RANBP2: variants seen among roughly 807,000 people sequenced by gnomAD.
RANBP2 encodes the protein E3 SUMO-protein ligase RanBP2.
In RANBP2, 57 loss-of-function variants were observed where a neutral mutation model predicts 303.6. That is an observed-to-expected ratio of 0.19 (90% CI 0.15 to 0.23). The LOEUF (loss-of-function observed/expected upper bound fraction) is 0.23, where lower values mean the gene tolerates loss of function less well. Ranked by LOEUF, RANBP2 falls within the 10% of genes least tolerant of loss-of-function variation. RANBP2 has a pLI of 1.00. For synonymous variants in RANBP2, 1,167 were observed against 1,301.5 expected (o/e 0.90, Z 2.23); for missense variants, 3,138 against 3,780.8 (o/e 0.83, Z 4.46).
At chr2:109,097,165 G>A in the RANBP2 span, among the ~76,000 whole-genome samples, 4 of 152,174 alleles carry the variant, frequency 2.6e-5, no homozygotes, top group African/African-American at 7.2e-5. Flanking sequence ...TTAGCTGGGC[G>A]TGGTGGCACG....
chr2:109,554,009 C>T, the RANBP2 span, among the ~76,000 whole-genome samples: 3 of 152,088 alleles, frequency 2.0e-5, no homozygotes, highest in Non-Finnish European at 4.4e-5. Flanking sequence ...GAATTAAGTT[C>T]GTATGGTATA....
chr2:109,450,336 A>G, the RANBP2 span, among the ~76,000 whole-genome samples: 1 of 146,084 alleles, frequency 6.8e-6, no homozygotes, highest in African/African-American at 2.5e-5. Context: ...ACAGAGCAAG[A>G]CTGCATCTCA....
the RANBP2 span, among the ~76,000 whole-genome samples, chr2:109,277,456 C>A: frequency 6.6e-6 from 1 of 152,312 alleles, no homozygotes; most frequent in African/African-American, 2.4e-5. Flanking sequence ...TAGTATCTCC[C>A]GTGAAGAGTC....
In RANBP2 at chr2:108,749,077, A is replaced by C. The variant is rs765812140; in HGVS notation, c.1221A>C (p.Gly407=). Residue 407 remains glycine (G), a synonymous_variant, in exon 9 of 29, where the codon GGA becomes GGC. Coordinates refer to ENST00000283195, the MANE Select transcript of RANBP2 (RefSeq NM_006267.5). ...DTSFLGSDDI[G]NIDVREPELE... ...CTTTTCTTGGTAGCGATGATATTGG[A>C]AACATTGATGTACGAGAACCAGAGC... 1.7e-5 allele frequency: 28 copies of C among 1,611,994 alleles called. 2 individuals are homozygous for C. The South Asian group carries it at 3.1e-4, about 18-fold the overall frequency.
chr2:109,263,606 G>A, the RANBP2 span, among the ~76,000 whole-genome samples: 2 of 152,198 alleles, frequency 1.3e-5, no homozygotes, highest in Non-Finnish European at 2.9e-5. Context: ...CTTGAGCAAA[G>A]CTAATAGATG....
At chr2:109,036,414 T>C in the RANBP2 span, among the ~76,000 whole-genome samples, 1 of 152,168 alleles carries the variant, frequency 6.6e-6, no homozygotes, top group Non-Finnish European at 1.5e-5. Context: ...ACTATCTCTA[T>C]AAATTTAGAC....
the RANBP2 span, among the ~76,000 whole-genome samples, chr2:109,460,694 A>G: frequency 2.1e-5 from 3 of 143,208 alleles, no homozygotes; most frequent in Admixed American, 1.4e-4. Context: ...GTCTTTTCAC[A>G]TGTGCTTTTC....
At chr2:109,649,842 G>A in the RANBP2 span, among the ~76,000 whole-genome samples, 21 of 152,140 alleles carry the variant, frequency 1.4e-4, no homozygotes, top group African/African-American at 5.1e-4. Context: ...TTTTCTTTAA[G>A]AAAAATTCCC....
chr2:108,949,560 C>T, the RANBP2 span, among the ~76,000 whole-genome samples: 3 of 152,178 alleles, frequency 2.0e-5, no homozygotes, highest in Non-Finnish European at 4.4e-5. Context: ...CAGTGCATGA[C>T]TTGCAATTAA....
At chr2:109,347,692 T>A in the RANBP2 span, 1 of 1,613,644 alleles carries the variant, frequency 6.2e-7, no homozygotes, top group South Asian at 1.1e-5. Flanking sequence ...CCTGCTTCCC[T>A]ATGGCAAGGC....
At chr2:109,582,075 GACACACACACACACACACAC>G in the RANBP2 span, among the ~76,000 whole-genome samples, 3 of 143,884 alleles carry the variant, frequency 2.1e-5, no homozygotes, top group African/African-American at 2.5e-5. Flanking sequence ...ATGTACAACA[GACACACACACACACACACAC>G]ACACACACAC....
At chr2:109,360,980 T>C in the RANBP2 span, among the ~76,000 whole-genome samples, 1 of 152,236 alleles carries the variant, frequency 6.6e-6, no homozygotes, top group Non-Finnish European at 1.5e-5. Context: ...ATGTTCTTTA[T>C]CAAGTTGAAG....
the RANBP2 span, among the ~76,000 whole-genome samples, chr2:108,907,517 G>A: frequency 9.9e-4 from 150 of 152,038 alleles, 2 homozygotes; most frequent in African/African-American, 3.4e-3. Flanking sequence ...GTGTGGCAGC[G>A]TGCACCTGTA....
the RANBP2 span, among the ~76,000 whole-genome samples, chr2:109,516,018 C>A: frequency 6.6e-6 from 1 of 152,184 alleles, no homozygotes; most frequent in Non-Finnish European, 1.5e-5. Context: ...AGCAGGGATT[C>A]TTTGTGCTAA....
At chr2:109,120,203 A>G in the RANBP2 span, among the ~76,000 whole-genome samples, 2 of 152,138 alleles carry the variant, frequency 1.3e-5, no homozygotes, top group African/African-American at 4.8e-5. Context: ...CACCTGGCCC[A>G]ACTCATTTGT....
the RANBP2 span, among the ~76,000 whole-genome samples, chr2:109,448,127 C>T: frequency 1.2e-4 from 19 of 152,170 alleles, no homozygotes; most frequent in African/African-American, 3.6e-4. Flanking sequence ...CAGGCCAGTT[C>T]GGGATCAAGA....
the RANBP2 span, among the ~76,000 whole-genome samples, chr2:109,666,594 G>T: frequency 2.6e-5 from 4 of 152,164 alleles, no homozygotes; most frequent in African/African-American, 9.7e-5. Context: ...CTTGTCTGTT[G>T]TTCAAATCTC....
the RANBP2 span, among the ~76,000 whole-genome samples, chr2:109,659,977 TG>T: frequency 6.6e-6 from 1 of 152,176 alleles, no homozygotes; most frequent in African/African-American, 2.4e-5. Context: ...GCTGAGCTGT[TG>T]TCTCAGGCTG....
At chr2:108,890,129 A>ATT in the RANBP2 span, among the ~76,000 whole-genome samples, 1 of 144,796 alleles carries the variant, frequency 6.9e-6, no homozygotes, top group African/African-American at 2.6e-5. Context: ...CTTGGCTGAC[A>ATT]TTTTTTTTTT....
Sources: allele counts gnomAD v4.1 joint callset (sites outside exome capture counted in the v4.1 genomes callset), GRCh38; gene constraint gnomAD v4.1.1; transcripts MANE v1.5; gene names NCBI Gene and HGNC (gene_info 2026-07-23, HGNC 2026-07-21).